The following GPHN variants were observed in gnomAD, a reference collection of about 807,000 sequenced individuals.
GPHN encodes the protein gephyrin.
In GPHN, 17 loss-of-function variants were observed where a neutral mutation model predicts 95.5. The ratio of observed to expected loss-of-function variants is 0.18; its 90% CI spans 0.12 to 0.27. GPHN has a LOEUF of 0.27. GPHN is among the 10% of genes least tolerant of loss of function. The probability of loss-of-function intolerance (pLI) is 1.00; values close to 1 mark genes in which losing one functional copy is unlikely to be tolerated. For missense variants in GPHN, 660 were observed against 978.1 expected (o/e 0.67, Z 4.34); for synonymous variants, 320 against 322.5 (o/e 0.99, Z 0.08).
intron 4 of GPHN, among the ~76,000 whole-genome samples, chr14:66,858,810 C>A (rs539199543): frequency 6.6e-6 from 1 of 152,124 alleles, no homozygotes; most frequent in African/African-American, 2.4e-5. Flanking sequence ...GCAGCATTCA[C>A]CACAAACTGA....
the GPHN span, chr14:67,395,541 G>C: frequency 5.3e-5 from 85 of 1,614,058 alleles, no homozygotes; most frequent in Non-Finnish European, 7.0e-5. Context: ...CAGGCCTCCA[G>C]GAAGTACTCC....
At chr14:67,451,411 A>G in the GPHN span, among the ~76,000 whole-genome samples, 26 of 152,350 alleles carry the variant, frequency 1.7e-4, no homozygotes, top group Admixed American at 4.6e-4. Context: ...CAGACACTCA[A>G]TGCCAGTCTG....
At chr14:67,729,244 G>C in the GPHN span, 1 of 1,610,330 alleles carries the variant, frequency 6.2e-7, no homozygotes. Context: ...CTCTGAGCTG[G>C]TCCGGCACTC....
intron 8 of GPHN, among the ~76,000 whole-genome samples, chr14:66,952,352 T>G (rs1482979092): frequency 6.7e-6 from 1 of 149,506 alleles, no homozygotes; most frequent in African/African-American, 2.6e-5. Context: ...ATCCATGTTG[T>G]AGCATGTATC....
the GPHN span, among the ~76,000 whole-genome samples, chr14:67,399,804 G>A: frequency 2.0e-5 from 3 of 152,258 alleles, no homozygotes; most frequent in Non-Finnish European, 2.9e-5. Context: ...GGGCAGAATA[G>A]TCAGGTGAAC....
At chr14:67,695,989 A>C in the GPHN span, among the ~76,000 whole-genome samples, 1 of 152,144 alleles carries the variant, frequency 6.6e-6, no homozygotes, top group African/African-American at 2.4e-5. Context: ...CTGAATACTC[A>C]GTTCTCCCAC....
chr14:67,543,792 C>A, the GPHN span, among the ~76,000 whole-genome samples: 2 of 151,146 alleles, frequency 1.3e-5, no homozygotes, highest in African/African-American at 2.4e-5. Context: ...AAAAAAAAAA[C>A]CCACTATGAA....
At chr14:67,071,790 A>T (rs2076322074) in intron 11 of GPHN, among the ~76,000 whole-genome samples, 1 of 152,092 alleles carries the variant, frequency 6.6e-6, no homozygotes, top group African/African-American at 2.4e-5. Flanking sequence ...CTTAAAAAAA[A>T]TAAAGTATAT....
intron 1 of GPHN, among the ~76,000 whole-genome samples, chr14:66,599,789 T>G (rs2140819472): frequency 6.6e-6 from 1 of 152,158 alleles, no homozygotes; most frequent in South Asian, 2.1e-4. Context: ...TCCAATTTAG[T>G]AAGTTGCTGG....
intron 4 of GPHN, among the ~76,000 whole-genome samples, chr14:66,874,162 G>A (rs1488303984): frequency 6.6e-6 from 1 of 152,308 alleles, no homozygotes; most frequent in East Asian, 1.9e-4. Context: ...CAGCAGAGAG[G>A]CCTGACTGTT....
chr14:66,578,729 A>G (rs1230445394), intron 1 of GPHN, among the ~76,000 whole-genome samples: 1 of 151,336 alleles, frequency 6.6e-6, no homozygotes, highest in African/African-American at 2.4e-5. Flanking sequence ...GGAACCATAA[A>G]GTTGTCCCTC....
the GPHN span, chr14:67,376,655 G>A: frequency 6.5e-7 from 1 of 1,528,286 alleles, no homozygotes; most frequent in Non-Finnish European, 8.9e-7. Context: ...ATATTTAACA[G>A]CATAGCATCC....
the GPHN span, among the ~76,000 whole-genome samples, chr14:67,641,903 A>G: frequency 7.9e-5 from 12 of 152,106 alleles, no homozygotes; most frequent in African/African-American, 2.9e-4. Flanking sequence ...TTGATATTTT[A>G]TTTCTACTCT....
chr14:66,791,053 C>G (rs140826020), intron 3 of GPHN, among the ~76,000 whole-genome samples: 72 of 152,312 alleles, frequency 4.7e-4, no homozygotes, highest in African/African-American at 1.7e-3. Flanking sequence ...GAACTCTAAC[C>G]TTCCTATGTT....
intron 2 of GPHN, among the ~76,000 whole-genome samples, chr14:66,731,904 G>A (rs2071799913): frequency 6.6e-6 from 1 of 152,184 alleles, no homozygotes; most frequent in Non-Finnish European, 1.5e-5. Flanking sequence ...TCCAGCCATG[G>A]CTAAAAGGGG....
chr14:67,110,128 C>G lies in GPHN; in HGVS notation c.1294-12C>G, dbSNP rs1463194245. On this transcript the variant is annotated splice_polypyrimidine_tract_variant and intron_variant, in intron 13 of 22. Transcript: ENST00000478722. ...AAAGTACATCAACTGTCTTTTTCAT[C>G]TTTATTTCCAGCCAACTCAGACAGT... 1.2e-6 allele frequency: 2 copies of G among 1,612,460 alleles called. No individual in the cohort carries two copies. The highest frequency in any genetic ancestry group is 2.2e-5 in the East Asian group (1 of 44,878).
intron 1 of GPHN, among the ~76,000 whole-genome samples, chr14:66,577,822 G>C (rs1358444386): frequency 6.6e-6 from 1 of 151,986 alleles, no homozygotes; most frequent in Non-Finnish European, 1.5e-5. Context: ...GGCCTACAAT[G>C]TCTCTCCCAG....
chr14:66,586,314 A>G lies in GPHN; in HGVS notation c.64+77723A>G, dbSNP rs531352757. Reference sequence around the variant, plus strand: ...GTGAGATGGATTTCCTGAATACAGCACACTGATGGGTCTTGACTCTGTATC... The same window carrying G: ...GTGAGATGGATTTCCTGAATACAGCGCACTGATGGGTCTTGACTCTGTATC... On this transcript the variant is annotated intron_variant, in intron 1 of 22. Transcript: ENST00000478722. Among the ~76,000 whole-genome samples the G allele has an allele frequency of 3.3e-5, 5 of 152,290 alleles. No homozygotes were observed. The South Asian group carries it at 6.2e-4, about 19-fold the overall frequency.
intron 9 of GPHN, among the ~76,000 whole-genome samples, chr14:67,011,804 G>GTGTGTGT (rs1432121399): frequency 1.4e-5 from 2 of 147,830 alleles, no homozygotes; most frequent in Non-Finnish European, 3.1e-5. Flanking sequence ...CACTAAATAT[G>GTGTGTGT]TGTGTGTTGT....
Sources: allele counts gnomAD v4.1 joint callset (sites outside exome capture counted in the v4.1 genomes callset), GRCh38; gene constraint gnomAD v4.1.1; transcripts MANE v1.5; gene names NCBI Gene and HGNC (gene_info 2026-07-23, HGNC 2026-07-21).